The following SLC43A1 variants were observed in gnomAD, a reference collection of about 807,000 sequenced individuals.
SLC43A1 encodes the protein large neutral amino acids transporter small subunit 3.
SLC43A1 carries 31 observed loss-of-function variants against 59.5 expected under a neutral mutation model. The observed-to-expected ratio is 0.52, with a 90% CI of 0.39 to 0.70. The LOEUF (loss-of-function observed/expected upper bound fraction) is 0.70, where lower values mean the gene tolerates loss of function less well. Ranked by LOEUF, SLC43A1 falls within the 30% of genes least tolerant of loss-of-function variation. The pLI, the probability that SLC43A1 is intolerant of heterozygous loss-of-function variation, is 0.00. For missense variants in SLC43A1, 598 were observed against 717.8 expected (o/e 0.83, Z 1.91); for synonymous variants, 259 against 290.9 (o/e 0.89, Z 1.12).
chr11:57,488,760 C>A (rs1943814344), intron 13 of SLC43A1, among the ~76,000 whole-genome samples, 156 bp downstream of exon 13: 1 of 152,208 alleles, frequency 6.6e-6, no homozygotes, highest in Admixed American at 6.5e-5. Flanking sequence ...TCAATTACAG[C>A]AGGATAGGCT....
At chr11:57,489,226 A>C in intron 12 of SLC43A1, 25 bp downstream of exon 12, 1 of 1,613,758 alleles carries the variant, frequency 6.2e-7, no homozygotes. Context: ...GGAGGCAGGG[A>C]GAGGGGAAGG....
chr11:57,496,563 G>C (rs754990239), intron 6 of SLC43A1, among the ~76,000 whole-genome samples: 1 of 152,232 alleles, frequency 6.6e-6, no homozygotes, highest in African/African-American at 2.4e-5. Flanking sequence ...TAGGTTTACC[G>C]GGCCTAATCG....
intron 2 of SLC43A1, among the ~76,000 whole-genome samples, chr11:57,502,100 C>G (rs775328819): frequency 2.6e-5 from 4 of 152,202 alleles, no homozygotes; most frequent in Non-Finnish European, 2.9e-5. Flanking sequence ...CGGTAAACTG[C>G]CAACTTGGAG....
Position 57,515,188 on chromosome 11 carries a change from G to T in SLC43A1, c.-14+256C>A. On this transcript the variant is annotated intron_variant, in intron 1 of 14. Transcript: ENST00000278426. This position sits in a 1 kb window ranked among gnomAD's most constrained non-coding sequence, Gnocchi z 5.3. The stretch of plus-strand genomic sequence containing the variant: ...CTCCAGGAGGTCCGCTGGAACTCTG[G>T]CAAACGCGCAGCTCTAAGCAGAGGA... The T allele has an allele frequency of 2.5e-6, 1 of 394,150 alleles. No individual in the cohort carries two copies. Among genetic ancestry groups the T allele is most frequent in the Non-Finnish European group, 3.5e-6 (1 of 289,380 alleles). The allele number at this position is 394,150 out of a possible 1,614,324, so 24.4% of individuals were successfully genotyped here. A position where few individuals can be genotyped will look rare whatever the true frequency, so the allele number is the denominator to read the frequency against.
intron 8 of SLC43A1, 129 bp from the exon 9 acceptor site, chr11:57,491,991 A>G: frequency 1.1e-6 from 1 of 898,786 alleles, no homozygotes. Context: ...GTTTCTTCAA[A>G]GACGGGAAAG....
Position 57,491,204 on chromosome 11 carries a change from T to C in SLC43A1, c.1193+20A>G, listed in dbSNP as rs1296239560. Reference sequence around the variant, plus strand: ...ACTGCCTGACCACTTGCTGTCACCATCCCTGTACAGGCAGGTCACCTGGCA... The same window carrying C: ...ACTGCCTGACCACTTGCTGTCACCACCCCTGTACAGGCAGGTCACCTGGCA... On this transcript the variant is annotated intron_variant, in intron 11 of 14. Coordinates refer to ENST00000278426, the MANE Select transcript of SLC43A1 (RefSeq NM_003627.6). 6.5e-7 allele frequency: 1 copy of C among 1,536,634 alleles called. No individual in the cohort carries two copies. The highest frequency in any genetic ancestry group is 2.3e-5 in the East Asian group (1 of 43,638).
chr11:57,504,069 C>T (rs866093913), intron 2 of SLC43A1, among the ~76,000 whole-genome samples: 15 of 151,960 alleles, frequency 9.9e-5, no homozygotes, highest in African/African-American at 3.1e-4. Flanking sequence ...TGGTGGTGGG[C>T]GCCCGTAGTC....
Position 57,497,937 on chromosome 11 carries a change from G to A in SLC43A1, c.466-92C>T, listed in dbSNP as rs572890580. 9.6e-5 allele frequency: 83 copies of A among 867,152 alleles called. 1 individual carries two copies. The highest frequency in any genetic ancestry group is 1.4e-4 in the Non-Finnish European group (77 of 554,368). 53.7% of individuals were successfully genotyped at this position (867,152 alleles called of 1,614,324 possible). A position where few individuals can be genotyped will look rare whatever the true frequency, so the allele number is the denominator to read the frequency against. ...GCTCCATACAATAGCCCCAGGAGAC[G>A]CAGCAGAAAAGCCCCAAGGTAAAAC... On this transcript the variant is annotated intron_variant, in intron 5 of 14. Transcript: ENST00000278426.
Position 57,491,951 on chromosome 11 carries a change from CACTA to C in SLC43A1, c.872-93_872-90del. The C allele has an allele frequency of 3.9e-6, 5 of 1,276,140 alleles. No individual in the cohort carries two copies. The South Asian group carries it at 5.3e-5, about 13-fold the overall frequency. The allele number at this position is 1,276,140 out of a possible 1,614,324, so 79.1% of individuals were successfully genotyped here. A position where few individuals can be genotyped will look rare whatever the true frequency, so the allele number is the denominator to read the frequency against. ...CTCATGCAGTTCTTGGGGGGAGTGA[CACTA>C]ACTATGTGACTTTGGAGAGAGACTG... On this transcript the variant is annotated intron_variant, in intron 8 of 14. Transcript: ENST00000278426.
intron 8 of SLC43A1, among the ~76,000 whole-genome samples, chr11:57,492,448 ATATAATATAAATATAT>A (rs1943938002): frequency 1.5e-5 from 2 of 136,190 alleles, no homozygotes; most frequent in Non-Finnish European, 3.1e-5. Flanking sequence ...TATATATAAA[ATATAATATAAATATAT>A]ATATAATTTA....
Position 57,488,919 on chromosome 11 carries a change from G to A in SLC43A1, c.1406C>T (p.Ala469Val), listed in dbSNP as rs1943819563. ...FHSACGSLYA[A>V]VFPSNHFGTL... ...CATTTCAGCCCAACAGACTCACACT[G>A]CAGCATAGAGACTCCCACAGGCTGA... Residue 469 changes from alanine to valine, a missense_variant, in exon 13 of 15, where the codon GCA (alanine) becomes GTA (valine). Transcript: ENST00000278426. 1.2e-6 allele frequency: 2 copies of A among 1,613,138 alleles called. No individual in the cohort carries two copies. Among genetic ancestry groups the A allele is most frequent in the Non-Finnish European group, 1.7e-6 (2 of 1,179,198 alleles).
intron 11 of SLC43A1, among the ~76,000 whole-genome samples, chr11:57,490,463 G>GTATGCTAC (rs1160468107): frequency 1.3e-5 from 2 of 152,184 alleles, no homozygotes; most frequent in Non-Finnish European, 2.9e-5. Context: ...AGAAGTGATG[G>GTATGCTAC]TATGCTACGT....
At chr11:57,508,937 G>C (rs1338283160) in intron 2 of SLC43A1, among the ~76,000 whole-genome samples, 1 of 152,020 alleles carries the variant, frequency 6.6e-6, no homozygotes, top group African/African-American at 2.4e-5. Flanking sequence ...GCCAACAGGT[G>C]AAACTGCATC....
chr11:57,489,531 AC>A, intron 11 of SLC43A1, 139 bp from the exon 12 acceptor site: 1 of 960,138 alleles, frequency 1.0e-6, no homozygotes, highest in Non-Finnish European at 1.6e-6. Context: ...TCTATGGGAA[AC>A]CCATAGAAAC....
chr11:57,492,528 AATTTTGTG>A (rs1382569184), intron 8 of SLC43A1, among the ~76,000 whole-genome samples: 8 of 122,036 alleles, frequency 6.6e-5, no homozygotes, highest in South Asian at 2.4e-4. Flanking sequence ...TAATATATAT[AATTTTGTG>A]TATATATATA....
At chr11:57,491,456 C>T in intron 10 of SLC43A1, 94 bp from the exon 11 acceptor site, 1 of 1,557,818 alleles carries the variant, frequency 6.4e-7, no homozygotes, top group Admixed American at 1.9e-5. Flanking sequence ...CCAAAATAGC[C>T]TTCCTCTGAA....
At chr11:57,492,401 GTCA>G (rs1943935466) in intron 8 of SLC43A1, among the ~76,000 whole-genome samples, 1 of 121,702 alleles carries the variant, frequency 8.2e-6, no homozygotes, top group Non-Finnish European at 1.7e-5. Context: ...CAGCCTGGTG[GTCA>G]ACATAGCAAG....
intron 2 of SLC43A1, among the ~76,000 whole-genome samples, chr11:57,502,752 TAGTTCC>T (rs1213904309): frequency 6.6e-6 from 1 of 151,382 alleles, no homozygotes; most frequent in Admixed American, 6.6e-5. Context: ...TGCATGTCTG[TAGTTCC>T]AGCTACCTGG....
intron 2 of SLC43A1, among the ~76,000 whole-genome samples, chr11:57,505,249 C>A (rs1319835924): frequency 6.6e-6 from 1 of 152,202 alleles, no homozygotes; most frequent in Non-Finnish European, 1.5e-5. Flanking sequence ...CAGTAGCTCG[C>A]ACCTATAATC....
Sources: gnomAD v4.1 joint callset for allele counts (sites outside exome capture counted in the v4.1 genomes callset) on GRCh38, gnomAD v4.1.1 for gene constraint, Gnocchi (gnomAD v3.1) non-coding constraint, MANE v1.5 for transcripts, NCBI Gene and HGNC (gene_info 2026-07-23, HGNC 2026-07-21) for gene names.